Variants in GRIN2B observed in about 807,000 individuals in gnomAD.
GRIN2B encodes glutamate receptor ionotropic, NMDA 2B.
GRIN2B carries 5 observed loss-of-function variants against 114.5 expected under a neutral mutation model. The observed-to-expected ratio is 0.04, with a 90% CI of 0.02 to 0.09. The LOEUF (loss-of-function observed/expected upper bound fraction) is 0.09, where lower values mean the gene tolerates loss of function less well. Ranked by LOEUF, GRIN2B falls within the 10% of genes least tolerant of loss-of-function variation. The probability of loss-of-function intolerance (pLI) is 1.00; values close to 1 mark genes in which losing one functional copy is unlikely to be tolerated. For synonymous variants in GRIN2B, 787 were observed against 745.1 expected (o/e 1.06, Z -0.92); for missense variants, 1,108 against 1,943.5 (o/e 0.57, Z 8.08).
intron 3 of GRIN2B, among the ~76,000 whole-genome samples, chr12:13,771,675 T>G (rs1565531498): frequency 6.6e-6 from 1 of 152,226 alleles, no homozygotes; most frequent in African/African-American, 2.4e-5. Flanking sequence ...CTCAGTACAG[T>G]GCCTAGCACA....
At chr12:13,875,685 G>A (rs1865982488) in intron 2 of GRIN2B, among the ~76,000 whole-genome samples, 1 of 152,124 alleles carries the variant, frequency 6.6e-6, no homozygotes. Context: ...ATGTTGTTTT[G>A]TAATGGAGAG....
intron 9 of GRIN2B, among the ~76,000 whole-genome samples, chr12:13,609,540 G>A (rs1397584220): frequency 3.3e-5 from 5 of 152,098 alleles, no homozygotes; most frequent in South Asian, 2.1e-4. Flanking sequence ...TTGGGAGGCC[G>A]AGGTGGGCGG....
intron 5 of GRIN2B, among the ~76,000 whole-genome samples, chr12:13,624,267 T>C (rs1185597157): frequency 6.6e-6 from 1 of 152,208 alleles, no homozygotes; most frequent in African/African-American, 2.4e-5. Context: ...ATAACAACTA[T>C]GTTCTCAGTA....
At chr12:13,684,945 G>A (rs1950164265) in intron 4 of GRIN2B, among the ~76,000 whole-genome samples, 1 of 152,142 alleles carries the variant, frequency 6.6e-6, no homozygotes, top group South Asian at 2.1e-4. Flanking sequence ...CAGGGGCTAT[G>A]TAAACAATGA....
rs574699428 is a variant in GRIN2B, at chr12:13,816,290, C to T, written c.411+49508G>A. Reference sequence around the variant, plus strand: ...GACTTAACAATGCTATAAAACAGGACCTAGAAAAGTAGATGGTTATGGAAA... The same window carrying T: ...GACTTAACAATGCTATAAAACAGGATCTAGAAAAGTAGATGGTTATGGAAA... On this transcript the variant is annotated intron_variant, in intron 3 of 13. Transcript: ENST00000609686. 5.3e-5 allele frequency among the ~76,000 whole-genome samples: 8 copies of T among 152,118 alleles called. No individual in the cohort carries two copies. In the South Asian group the frequency reaches 1.7e-3, roughly 32 times the overall value.
intron 3 of GRIN2B, among the ~76,000 whole-genome samples, chr12:13,765,498 A>C (rs747568455): frequency 6.6e-6 from 1 of 152,210 alleles, no homozygotes; most frequent in Non-Finnish European, 1.5e-5. Flanking sequence ...GCCCTCAAGA[A>C]TATTGTCAGT....
At chr12:13,875,495 C>G (rs1269201215) in intron 2 of GRIN2B, among the ~76,000 whole-genome samples, 1 of 152,030 alleles carries the variant, frequency 6.6e-6, no homozygotes, top group East Asian at 1.9e-4. Context: ...CCACTGCACT[C>G]CAGCCTGGTG....
At chr12:13,600,105 C>G (rs899970403) in intron 10 of GRIN2B, among the ~76,000 whole-genome samples, 7 of 152,298 alleles carry the variant, frequency 4.6e-5, no homozygotes, top group African/African-American at 1.7e-4. Context: ...TTCCAGGAAG[C>G]CTCTGGTCCT....
chr12:13,902,656 C>G (rs1290655890), intron 2 of GRIN2B, among the ~76,000 whole-genome samples: 1 of 151,994 alleles, frequency 6.6e-6, no homozygotes, highest in Non-Finnish European at 1.5e-5. Context: ...ACTGAAAATA[C>G]AAAAATTAGC....
chr12:13,828,300 T>C (rs897035109), intron 3 of GRIN2B, among the ~76,000 whole-genome samples: 1 of 152,246 alleles, frequency 6.6e-6, no homozygotes, highest in African/African-American at 2.4e-5. Flanking sequence ...GAGTTCTTTC[T>C]ACTCTAGCTT....
chr12:13,778,111 T>A (rs74065296), intron 3 of GRIN2B, among the ~76,000 whole-genome samples: 1,690 of 152,308 alleles, frequency 0.011, 31 homozygotes, highest in African/African-American at 0.038. Context: ...TTTCCCTATC[T>A]CCATGGTTGT....
rs1043571496 is a variant in GRIN2B at position 13,571,967 on chromosome 12, GGAGA to G, written c.2011-7_2011-4del. ...GAGAAGTCATTAGGTCTCTGGAACTGGAGAGAGAAAGACAGATAGAGACAGAGCG... is the reference window on the plus strand; with the variant it reads ...GAGAAGTCATTAGGTCTCTGGAACTGGAGAAAGACAGATAGAGACAGAGCG... On this transcript the variant is annotated splice_polypyrimidine_tract_variant and splice_region_variant and intron_variant, in intron 10 of 13. Coordinates refer to ENST00000609686, the MANE Select transcript of GRIN2B (RefSeq NM_000834.5). 12 of 1,611,996 alleles carry G rather than the reference GGAGA, an allele frequency of 7.4e-6. No homozygotes were observed. In the East Asian group the frequency reaches 2.7e-4, roughly 36 times the overall value.
Position 13,693,292 on chromosome 12 carries a change from G to T in GRIN2B, c.1011-17433C>A, listed in dbSNP as rs540194221. 8.5e-5 allele frequency among the ~76,000 whole-genome samples: 13 copies of T among 152,162 alleles called. No homozygotes were observed. In the South Asian group the frequency reaches 2.5e-3, roughly 29 times the overall value. ...GACCCTATCGATGAAGTTAAGTGAA[G>T]ACTTATTGCATGTTTCTTGGGACAT... On this transcript the variant is annotated intron_variant, in intron 4 of 13. Transcript: ENST00000609686.
At chr12:13,635,722 G>A (rs1225716210) in intron 5 of GRIN2B, among the ~76,000 whole-genome samples, 2 of 152,186 alleles carry the variant, frequency 1.3e-5, no homozygotes, top group African/African-American at 4.8e-5. Flanking sequence ...GCAGTTAGTG[G>A]CAGTGAAGAA....
intron 4 of GRIN2B, among the ~76,000 whole-genome samples, chr12:13,726,465 G>A (rs911061583): frequency 2.0e-5 from 3 of 150,646 alleles, no homozygotes; most frequent in Non-Finnish European, 4.4e-5. Context: ...AACTCAGGAG[G>A]TGGAGGTTAC....
At position 13,664,990 on chromosome 12, in the gene GRIN2B, A is replaced by T. The variant is rs151114164; in HGVS notation, c.1125+10755T>A. Among the ~76,000 whole-genome samples the T allele has an allele frequency of 1.3e-3, 192 of 152,284 alleles. 2 individuals are homozygous for T. The highest frequency in any genetic ancestry group is 4.4e-3 in the African/African-American group (184 of 41,566). On this transcript the variant is annotated intron_variant, in intron 5 of 13. Coordinates refer to ENST00000609686, the MANE Select transcript of GRIN2B (RefSeq NM_000834.5). Reference sequence around the variant, plus strand: ...AGAAAAGCTTTTAATTCAGAAGATGACTATTTCCTCGAAAATCCCTTCCAT... The same window carrying T: ...AGAAAAGCTTTTAATTCAGAAGATGTCTATTTCCTCGAAAATCCCTTCCAT...
chr12:13,932,807 A>C (rs1199955007), intron 2 of GRIN2B, among the ~76,000 whole-genome samples: 1 of 152,214 alleles, frequency 6.6e-6, no homozygotes. Context: ...GGAAGCAGCC[A>C]ACCCTTAACC....
At chr12:13,796,616 T>C (rs1198158497) in intron 3 of GRIN2B, among the ~76,000 whole-genome samples, 8 of 152,220 alleles carry the variant, frequency 5.3e-5, no homozygotes, top group Non-Finnish European at 7.3e-5. Flanking sequence ...GATCAACTCA[T>C]TTAAAAAACC....
chr12:13,727,271 A>G (rs1863006343), intron 4 of GRIN2B, among the ~76,000 whole-genome samples: 1 of 152,176 alleles, frequency 6.6e-6, no homozygotes, highest in Non-Finnish European at 1.5e-5. Flanking sequence ...TCTGATTTCC[A>G]GTTTAATGTT....
Sources: gnomAD v4.1 joint callset for allele counts (sites outside exome capture counted in the v4.1 genomes callset) on GRCh38, gnomAD v4.1.1 for gene constraint, MANE v1.5 for transcripts, NCBI Gene and HGNC (gene_info 2026-07-23, HGNC 2026-07-21) for gene names.